Variants in OXR1 observed in about 807,000 individuals in gnomAD.
The protein encoded by OXR1 is oxidation resistance protein 1.
OXR1 carries 41 observed loss-of-function variants against 104.6 expected under a neutral mutation model. The observed-to-expected ratio is 0.39, with a 90% CI of 0.31 to 0.51. The LOEUF (loss-of-function observed/expected upper bound fraction) is 0.51, where lower values mean the gene tolerates loss of function less well. Ranked by LOEUF, OXR1 falls within the 20% of genes least tolerant of loss-of-function variation. OXR1 has a pLI of 0.77. For missense variants in OXR1, 955 were observed against 1,031.9 expected, an observed-to-expected ratio of 0.93 and a Z score of 1.02; for synonymous variants, 348 against 348.4, an observed-to-expected ratio of 1.00 and a Z score of 0.01.
chr8:106,640,381 T>C (rs979253664), intron 3 of OXR1, among the ~76,000 whole-genome samples: 4 of 151,204 alleles, frequency 2.6e-5, no homozygotes, highest in Non-Finnish European at 5.9e-5. Context: ...TGCATATGTA[T>C]ATATACATAT....
At chr8:106,533,736 TGGA>T (rs1563586617) in intron 3 of OXR1, among the ~76,000 whole-genome samples, 5 of 145,568 alleles carry the variant, frequency 3.4e-5, no homozygotes, top group African/African-American at 5.1e-5. Flanking sequence ...TTTTTGGAGA[TGGA>T]TTTTCTCTCT....
chr8:106,621,218 G>T (rs1049317358), intron 3 of OXR1, among the ~76,000 whole-genome samples: 2 of 152,062 alleles, frequency 1.3e-5, no homozygotes, highest in South Asian at 4.1e-4. Context: ...AAATAAAAGA[G>T]ATTACTTAGA....
chr8:106,375,933 T>G lies in OXR1; in HGVS notation c.23+16297T>G, dbSNP rs117866271. Among the ~76,000 whole-genome samples the G allele has an allele frequency of 3.5e-4, 54 of 152,330 alleles. No homozygotes were observed. The East Asian group carries it at 9.8e-3, about 28-fold the overall frequency. On this transcript the variant is annotated intron_variant, in intron 2 of 16. Transcript: ENST00000517566. ...GGCATGATCATAGTTCACTGCAACC[T>G]CGAACTCCTGGGCTCAAGCCATCCT...
Position 106,457,469 on chromosome 8 carries a change from G to C in OXR1, c.24-61474G>C, listed in dbSNP as rs566453010. ...TAGCAGCAAAAGCCAGACTAAGACA[G>C]AAAATTGGTACCAAGAGGTGGGGCT... On this transcript the variant is annotated intron_variant, in intron 2 of 16. Coordinates refer to ENST00000517566, the MANE Select transcript of OXR1 (RefSeq NM_001198533.2). 2.0e-5 allele frequency among the ~76,000 whole-genome samples: 3 copies of C among 152,288 alleles called. No homozygotes were observed. In the East Asian group the frequency reaches 5.8e-4, roughly 29 times the overall value.
chr8:106,619,835 A>T (rs945905726), intron 3 of OXR1, among the ~76,000 whole-genome samples: 2 of 152,090 alleles, frequency 1.3e-5, no homozygotes, highest in African/African-American at 4.8e-5. Flanking sequence ...ACCACTTTTG[A>T]ATTTCAATGA....
chr8:106,659,336 A>G (rs1283770570), intron 3 of OXR1, among the ~76,000 whole-genome samples: 1 of 152,238 alleles, frequency 6.6e-6, no homozygotes, highest in African/African-American at 2.4e-5. Context: ...TAAGCTTTGA[A>G]GAAATATTAA....
intron 3 of OXR1, among the ~76,000 whole-genome samples, chr8:106,667,978 A>G (rs2131134678): frequency 6.6e-6 from 1 of 151,934 alleles, no homozygotes; most frequent in African/African-American, 2.4e-5. Context: ...AAAAAAAAAA[A>G]AAGAAAAAAA....
intron 3 of OXR1, among the ~76,000 whole-genome samples, chr8:106,585,128 T>G (rs1818532499): frequency 6.6e-6 from 1 of 152,112 alleles, no homozygotes; most frequent in Non-Finnish European, 1.5e-5. Context: ...TGGTATACTT[T>G]CCTGGGGTGA....
At chr8:106,272,582 G>T (rs1194807616) in intron 1 of OXR1, 1 of 152,252 alleles carries the variant, frequency 6.6e-6, no homozygotes, top group Non-Finnish European at 1.5e-5. Context: ...GTCTTGCAAG[G>T]TGATGTCTGT....
chr8:106,356,446 G>T (rs953947252), intron 1 of OXR1, among the ~76,000 whole-genome samples: 2 of 152,110 alleles, frequency 1.3e-5, no homozygotes, highest in Admixed American at 1.3e-4. Flanking sequence ...ATACTAAATT[G>T]TACCATGTAC....
At chr8:106,523,434 A>G (rs1454015344) in intron 3 of OXR1, among the ~76,000 whole-genome samples, 1 of 152,166 alleles carries the variant, frequency 6.6e-6, no homozygotes, top group African/African-American at 2.4e-5. Context: ...CCTGATATAT[A>G]CACATGCAAA....
At chr8:106,384,348 C>T (rs986601009) in intron 2 of OXR1, among the ~76,000 whole-genome samples, 1 of 152,206 alleles carries the variant, frequency 6.6e-6, no homozygotes, top group Non-Finnish European at 1.5e-5. Context: ...AGTCACTGCA[C>T]TTCCTGAGAT....
intron 2 of OXR1, among the ~76,000 whole-genome samples, chr8:106,372,287 G>A (rs1206443753): frequency 2.0e-5 from 3 of 152,174 alleles, no homozygotes; most frequent in South Asian, 2.1e-4. Context: ...TGGCTCTCAG[G>A]TGGCCTGCCA....
chr8:106,673,571 A>G (rs1827258567), intron 3 of OXR1, among the ~76,000 whole-genome samples: 1 of 152,204 alleles, frequency 6.6e-6, no homozygotes. Context: ...AGCTGCAGAT[A>G]CTTACTTAAG....
At chr8:106,279,107 G>T (rs1201004997) in intron 1 of OXR1, among the ~76,000 whole-genome samples, 1 of 152,086 alleles carries the variant, frequency 6.6e-6, no homozygotes. Flanking sequence ...TCTTTCACAC[G>T]ACTAAAGTAT....
chr8:106,360,675 C>A (rs1483696134), intron 2 of OXR1, among the ~76,000 whole-genome samples: 1 of 151,862 alleles, frequency 6.6e-6, no homozygotes, highest in African/African-American at 2.4e-5. Context: ...TATAATCAAA[C>A]AAATTTCATT....
intron 3 of OXR1, chr8:106,617,878 G>A (rs1051325882): frequency 3.6e-5 from 8 of 221,196 alleles, no homozygotes; most frequent in Admixed American, 6.5e-5. Context: ...ACTTAGTAAC[G>A]TATCATACAG....
intron 7 of OXR1, chr8:106,697,518 G>T: frequency 6.2e-7 from 1 of 1,610,810 alleles, no homozygotes; most frequent in South Asian, 1.1e-5. Context: ...CTTGCAGCTG[G>T]TTATCCGAGA....
At chr8:106,358,710 A>G (rs1311585610) in intron 1 of OXR1, among the ~76,000 whole-genome samples, 1 of 152,190 alleles carries the variant, frequency 6.6e-6, no homozygotes, top group Non-Finnish European at 1.5e-5. Context: ...ACTATAGTAG[A>G]TGTCAAAATA....
Sources: gnomAD v4.1 joint callset for allele counts (sites outside exome capture counted in the v4.1 genomes callset) on GRCh38, gnomAD v4.1.1 for gene constraint, MANE v1.5 for transcripts, NCBI Gene and HGNC (gene_info 2026-07-23, HGNC 2026-07-21) for gene names.